Variants in VPS13B observed in about 807,000 individuals in gnomAD.
VPS13B encodes vacuolar protein sorting 13 homolog B, also known as intermembrane lipid transfer protein VPS13B.
In VPS13B, 285 loss-of-function variants were observed where a neutral mutation model predicts 426.4. The ratio of observed to expected loss-of-function variants is 0.67; its 90% CI spans 0.61 to 0.74. The LOEUF is 0.74. VPS13B is among the 30% of genes least tolerant of loss of function. The probability of loss-of-function intolerance (pLI) is 0.00; values close to 1 mark genes in which losing one functional copy is unlikely to be tolerated. For synonymous variants in VPS13B, 1,676 were observed against 1,676.4 expected, an observed-to-expected ratio of 1.00 and a Z score of 0.01; for missense variants, 4,537 against 4,782.6, an observed-to-expected ratio of 0.95 and a Z score of 1.51.
intron 33 of VPS13B, among the ~76,000 whole-genome samples, chr8:99,640,010 T>TAAGAAGAAGAAG (rs1459641340): frequency 1.9e-4 from 14 of 72,556 alleles, no homozygotes; most frequent in African/African-American, 6.5e-4. Context: ...ATAATAATAA[T>TAAGAAGAAGAAG]AATAATAATA....
chr8:99,844,043 A>G (rs1254752827), intron 54 of VPS13B, among the ~76,000 whole-genome samples: 1 of 152,206 alleles, frequency 6.6e-6, no homozygotes, highest in Non-Finnish European at 1.5e-5. Context: ...AGTCAATATA[A>G]CAGTTAAGTT....
At chr8:99,219,606 A>G (rs894273596) in intron 17 of VPS13B, among the ~76,000 whole-genome samples, 10 of 152,204 alleles carry the variant, frequency 6.6e-5, no homozygotes, top group Admixed American at 5.2e-4. Context: ...GCCTCCTCAC[A>G]TGGCACAAAG....
intron 17 of VPS13B, among the ~76,000 whole-genome samples, chr8:99,194,059 G>GTGA: frequency 6.6e-6 from 1 of 152,246 alleles, no homozygotes; most frequent in South Asian, 2.1e-4. Context: ...CATGAGGTCA[G>GTGA]GCGTGGAATT....
At chr8:99,874,421 T>TATC (rs1351629789) in intron 61 of VPS13B, among the ~76,000 whole-genome samples, 2 of 152,208 alleles carry the variant, frequency 1.3e-5, no homozygotes, top group African/African-American at 4.8e-5. Flanking sequence ...GCCTCTTTAC[T>TATC]ATCTCTCTGC....
At chr8:99,493,513 G>A (rs1820726161) in intron 25 of VPS13B, among the ~76,000 whole-genome samples, 1 of 152,096 alleles carries the variant, frequency 6.6e-6, no homozygotes, top group African/African-American at 2.4e-5. Context: ...GGTTGGGCGT[G>A]GTGGCTCACA....
In VPS13B at chr8:99,511,348, T is replaced by A; in HGVS notation, c.4469T>A (p.Phe1490Tyr). The A allele has an allele frequency of 6.2e-7, 1 of 1,614,036 alleles. No homozygotes were observed. The change falls in exon 29 of 62, where the codon TTT (phenylalanine) becomes TAT (tyrosine). Residue 1490 changes from phenylalanine (F) to tyrosine (Y), a missense_variant. This residue lies in a region of VPS13B where 4,311 missense variants were observed against 4,474.3 expected (regional missense o/e 0.96). Coordinates refer to ENST00000357162, the MANE Select transcript of VPS13B (RefSeq NM_152564.5). ...TTACTTAATGCCATTGCAAGTATAT[T>A]TCAAGCAAAACTACCAAAGACCCAA... The part of the protein sequence containing the change: ...FPLLNAIASI[F>Y]QAKLPKTQKE...
intron 41 of VPS13B, 138 bp downstream of exon 41, chr8:99,777,094 G>C (rs1051442032): frequency 3.6e-6 from 4 of 1,105,454 alleles, no homozygotes; most frequent in Non-Finnish European, 4.1e-6. Flanking sequence ...AAGTTATCCT[G>C]GGGTTGACTT....
chr8:99,436,246 G>T (rs145489448), intron 22 of VPS13B, among the ~76,000 whole-genome samples: 1 of 152,014 alleles, frequency 6.6e-6, no homozygotes, highest in Non-Finnish European at 1.5e-5. Flanking sequence ...AATATTTAAG[G>T]TTACTTCCAA....
chr8:99,123,523 A>G (rs1848050596), intron 8 of VPS13B, among the ~76,000 whole-genome samples: 1 of 152,158 alleles, frequency 6.6e-6, no homozygotes, highest in Non-Finnish European at 1.5e-5. Context: ...GCCAGTTTTT[A>G]GAAGAATTAT....
At chr8:99,586,970 C>T (rs1342354267) in intron 33 of VPS13B, among the ~76,000 whole-genome samples, 3 of 152,138 alleles carry the variant, frequency 2.0e-5, no homozygotes, top group Non-Finnish European at 4.4e-5. Context: ...AATGCTATCC[C>T]TCCCCCATCC....
chr8:99,410,364 A>G (rs1012219346), intron 21 of VPS13B, among the ~76,000 whole-genome samples: 2 of 151,996 alleles, frequency 1.3e-5, no homozygotes, highest in Non-Finnish European at 2.9e-5. Flanking sequence ...ACACTAAACT[A>G]CTTACAATGC....
intron 42 of VPS13B, 37 bp downstream of exon 42, chr8:99,779,068 A>G (rs1036431273): frequency 1.3e-6 from 2 of 1,578,078 alleles, no homozygotes; most frequent in African/African-American, 1.3e-5. Flanking sequence ...GTTTGGCCAC[A>G]TATGATCTTT....
At chr8:99,064,559 A>G (rs1464432743) in intron 3 of VPS13B, among the ~76,000 whole-genome samples, 1 of 152,240 alleles carries the variant, frequency 6.6e-6, no homozygotes, top group Admixed American at 6.5e-5. Flanking sequence ...GTTTAGAGAA[A>G]CAAGAGTAAA....
rs919301822 is a variant in VPS13B, at chr8:99,870,384, C to T, written c.11393-401C>T. ...TTCCCAGGCTGGTCTCTAACTCTGA[C>T]TCAAGCAATCCTCCCACCTTGATTT... On this transcript the variant is annotated intron_variant, in intron 59 of 61. Coordinates refer to ENST00000357162, the MANE Select transcript of VPS13B (RefSeq NM_152564.5). Among the ~76,000 whole-genome samples, 5 of 152,120 alleles carry T rather than the reference C, an allele frequency of 3.3e-5. No homozygotes were observed. In the South Asian group the frequency reaches 8.3e-4, roughly 25 times the overall value.
At chr8:99,842,087 T>C (rs1201168313) in intron 54 of VPS13B, among the ~76,000 whole-genome samples, 1 of 152,158 alleles carries the variant, frequency 6.6e-6, no homozygotes, top group Non-Finnish European at 1.5e-5. Context: ...ATAGCATGGT[T>C]TCCTAGTTAA....
intron 35 of VPS13B, among the ~76,000 whole-genome samples, chr8:99,694,651 T>A (rs1831866708): frequency 7.6e-6 from 1 of 131,426 alleles, no homozygotes; most frequent in Admixed American, 7.7e-5. Flanking sequence ...GGACTTCATG[T>A]CCAAAACACC....
chr8:99,842,525 G>A (rs1411882108), intron 54 of VPS13B, among the ~76,000 whole-genome samples: 1 of 152,084 alleles, frequency 6.6e-6, no homozygotes, highest in East Asian at 1.9e-4. Flanking sequence ...TAAGGTGGGA[G>A]GATCACTTGA....
intron 19 of VPS13B, among the ~76,000 whole-genome samples, chr8:99,323,204 C>T (rs1810071660): frequency 6.6e-6 from 1 of 152,168 alleles, no homozygotes. Context: ...TTTTTCCTTT[C>T]ATACCTATCA....
intron 22 of VPS13B, among the ~76,000 whole-genome samples, chr8:99,434,088 G>T (rs1023318285): frequency 2.6e-5 from 4 of 152,242 alleles, no homozygotes; most frequent in Non-Finnish European, 5.9e-5. Context: ...GATTACAGGT[G>T]TGAGCCACTG....
Sources: gnomAD v4.1 joint callset for allele counts (sites outside exome capture counted in the v4.1 genomes callset) on GRCh38, gnomAD v4.1.1 for gene constraint, gnomAD v4.1.1 regional missense constraint, MANE v1.5 for transcripts, NCBI Gene and HGNC (gene_info 2026-07-23, HGNC 2026-07-21) for gene names.